C4orf50: variants seen among roughly 807,000 people sequenced by gnomAD.
C4orf50 encodes chromosome 4 open reading frame 50.
C4orf50 carries 80 observed loss-of-function variants against 77.2 expected under a neutral mutation model. That is an observed-to-expected ratio of 1.04 (90% CI 0.87 to 1.25). The LOEUF is 1.25. C4orf50 is among the 50% of genes most tolerant of loss of function. The probability of loss-of-function intolerance (pLI) is 0.00; values close to 1 mark genes in which losing one functional copy is unlikely to be tolerated. For missense variants in C4orf50, 1,257 were observed against 1,152.9 expected (o/e 1.09, Z -1.31); for synonymous variants, 532 against 465.3 (o/e 1.14, Z -1.84).
chr4:5,960,657 C>T (rs971009656), intron 33 of C4orf50, among the ~76,000 whole-genome samples: 6 of 152,044 alleles, frequency 3.9e-5, no homozygotes, highest in African/African-American at 9.7e-5. Flanking sequence ...GGTTCAAGCC[C>T]GAAGAGAGAC....
intron 25 of C4orf50, among the ~76,000 whole-genome samples, chr4:6,003,764 A>AGTGATGATG (rs1378272049): frequency 6.4e-5 from 1 of 15,636 alleles, no homozygotes; most frequent in East Asian, 6.3e-3. Context: ...ATGATGTGAT[A>AGTGATGATG]GTGATGATGG....
intron 25 of C4orf50, among the ~76,000 whole-genome samples, chr4:5,999,357 CA>C (rs1337783065): frequency 6.6e-6 from 1 of 152,158 alleles, no homozygotes; most frequent in African/African-American, 2.4e-5. Context: ...ATAACTCTAC[CA>C]CCTCATAAGC....
intron 32 of C4orf50, among the ~76,000 whole-genome samples, chr4:5,966,735 C>T (rs1470804710): frequency 1.3e-5 from 2 of 150,618 alleles, no homozygotes; most frequent in Non-Finnish European, 3.0e-5. Context: ...CTGCAACCTC[C>T]GTCTCCCAGG....
chr4:5,966,958 C>G (rs930768063), intron 32 of C4orf50, among the ~76,000 whole-genome samples: 1 of 152,204 alleles, frequency 6.6e-6, no homozygotes, highest in Non-Finnish European at 1.5e-5. Context: ...CATATCCTAA[C>G]AGTTTCAAAC....
At chr4:5,944,471 T>C (rs1718398528) in intron 7 of C4orf50, among the ~76,000 whole-genome samples, 1 of 152,088 alleles carries the variant, frequency 6.6e-6, no homozygotes, top group African/African-American at 2.4e-5. Context: ...ATGAGACAAA[T>C]AGAAGGAGTG....
chr4:5,975,465 T>C lies in C4orf50; in HGVS notation c.3921+434A>G, dbSNP rs193199404. Among the ~76,000 whole-genome samples the C allele has an allele frequency of 4.0e-5, 6 of 151,830 alleles. No individual in the cohort carries two copies. The East Asian group carries it at 1.2e-3, about 30-fold the overall frequency. ...GCCATGTGCAAGCAGGGGCTGCTGC[T>C]TTCTGTCTCCTTCATTCTTCTTTGC... On this transcript the variant is annotated intron_variant, in intron 30 of 33. Transcript: ENST00000531445.
chr4:5,975,172 A>C (rs74861687), intron 30 of C4orf50, among the ~76,000 whole-genome samples: 33,034 of 132,122 alleles, frequency 0.25, 4,914 homozygotes, highest in Non-Finnish European at 0.27. Context: ...AAAAAAAAAA[A>C]AAAAAACTAC....
chr4:5,959,488 C>G, exon 34 of C4orf50: 3 of 1,614,192 alleles, frequency 1.9e-6, no homozygotes, highest in Non-Finnish European at 1.7e-6. Flanking sequence ...TCAGAGGGTG[C>G]TGGGACGTTA....
In C4orf50 at chr4:5,962,209, T is replaced by C. The variant is rs1197228671; in HGVS notation, c.4276-2583A>G. On this transcript the variant is annotated intron_variant, in intron 33 of 33. Transcript: ENST00000531445. ...TGAAGGCCTCCCATGGGCCAGGTAC[T>C]GTGCAAAACATGGGAAAAACATTTA... is the stretch of plus-strand genomic sequence containing the variant. Among the ~76,000 whole-genome samples the C allele has an allele frequency of 2.6e-5, 4 of 152,368 alleles. No individual in the cohort carries two copies. In the East Asian group the frequency reaches 7.7e-4, roughly 29 times the overall value.
At chr4:6,001,680 A>G (rs569011400) in intron 25 of C4orf50, among the ~76,000 whole-genome samples, 1 of 152,318 alleles carries the variant, frequency 6.6e-6, no homozygotes, top group African/African-American at 2.4e-5. Context: ...CCTTTTACTT[A>G]ATAAATATTC....
chr4:5,990,011 T>C, exon 28 of C4orf50: 1 of 1,396,658 alleles, frequency 7.2e-7, no homozygotes, highest in Non-Finnish European at 9.3e-7. Context: ...CATGGCTCTT[T>C]GGTCTCATGA....
At chr4:5,933,512 A>T (rs1396591006) in intron 7 of C4orf50, among the ~76,000 whole-genome samples, 1 of 151,906 alleles carries the variant, frequency 6.6e-6, no homozygotes, top group Non-Finnish European at 1.5e-5. Flanking sequence ...TACACACCAG[A>T]CTCCACGCCA....
chr4:5,918,992 T>C (rs1000703366), intron 7 of C4orf50, among the ~76,000 whole-genome samples: 3 of 152,032 alleles, frequency 2.0e-5, no homozygotes, highest in African/African-American at 7.2e-5. Flanking sequence ...TCTGCACAGA[T>C]GGGGAAACTG....
In C4orf50 at chr4:6,000,958, C is replaced by A. The variant is rs910179381; in HGVS notation, c.964-6482G>T. On this transcript the variant is annotated intron_variant, in intron 25 of 33. Transcript: ENST00000531445. The surrounding 1 kb of genome is among the most constrained non-coding windows in gnomAD (Gnocchi z 6.0). ...TGAGTCCCCTCCAAGGGCAACCCAT[C>A]GGTAAGTGGCAGGAGAGCCCACCTC... Among the ~76,000 whole-genome samples the A allele has an allele frequency of 6.6e-6, 1 of 152,248 alleles. No homozygotes were observed. Among genetic ancestry groups the A allele is most frequent in the South Asian group, 2.1e-4 (1 of 4,820 alleles).
intron 28 of C4orf50, among the ~76,000 whole-genome samples, chr4:5,984,683 T>C (rs972603762): frequency 7.2e-5 from 11 of 152,124 alleles, no homozygotes; most frequent in African/African-American, 2.7e-4. Flanking sequence ...ACACACATTT[T>C]TTAAAACTGA....
chr4:5,959,294 A>C (rs1387878116), exon 34 of C4orf50: 1 of 1,487,440 alleles, frequency 6.7e-7, no homozygotes. Context: ...ATTGCTACCA[A>C]TTTCTTAAAG....
chr4:5,985,348 G>C (rs1354203045), intron 28 of C4orf50, among the ~76,000 whole-genome samples: 1 of 151,920 alleles, frequency 6.6e-6, no homozygotes, highest in African/African-American at 2.4e-5. Flanking sequence ...TAAAATAACA[G>C]TGGCTTATAA....
chr4:5,934,099 C>T (rs1040201829), intron 7 of C4orf50, among the ~76,000 whole-genome samples: 1 of 151,932 alleles, frequency 6.6e-6, no homozygotes, highest in Non-Finnish European at 1.5e-5. Context: ...TCCAACACAG[C>T]CCCTGGCAAT....
chr4:5,922,468 G>A (rs760310243), intron 7 of C4orf50, among the ~76,000 whole-genome samples: 39 of 152,308 alleles, frequency 2.6e-4, no homozygotes, highest in Admixed American at 1.6e-3. Flanking sequence ...CCTTCTAGGT[G>A]CTGGGCCCTG....
Sources: gnomAD v4.1 joint callset for allele counts (sites outside exome capture counted in the v4.1 genomes callset) on GRCh38, gnomAD v4.1.1 for gene constraint, Gnocchi (gnomAD v3.1) non-coding constraint, MANE v1.5 for transcripts, NCBI Gene and HGNC (gene_info 2026-07-23, HGNC 2026-07-21) for gene names.